IRAK3: variants seen among roughly 807,000 people sequenced by gnomAD.
IRAK3 encodes interleukin-1 receptor-associated kinase 3.
IRAK3 carries 57 observed loss-of-function variants against 56.6 expected under a neutral mutation model. That is an observed-to-expected ratio of 1.01 (90% CI 0.81 to 1.26). IRAK3 has a LOEUF of 1.26. Among genes scored for constraint, IRAK3 ranks in the 50% most tolerant of loss-of-function variants. The pLI is 0.00. For missense variants in IRAK3, 703 were observed against 719.0 expected, an observed-to-expected ratio of 0.98 and a Z score of 0.25; for synonymous variants, 258 against 255.7, an observed-to-expected ratio of 1.01 and a Z score of -0.09.
Position 66,198,208 on chromosome 12 carries a change from G to A in IRAK3, c.134-5503G>A, listed in dbSNP as rs773297607. On this transcript the variant is annotated intron_variant, in intron 1 of 11. Transcript: ENST00000261233. The stretch of plus-strand genomic sequence containing the variant: ...CCCATTGCTTTCAGAATGAAGTTAA[G>A]TTCATATGCTAACACTCAGGGCCTC... 1.2e-4 allele frequency: 70 copies of A among 585,954 alleles called. No individual in the cohort carries two copies. In the Admixed American group the frequency reaches 2.3e-3, roughly 20 times the overall value. 36.3% of individuals were successfully genotyped at this position (585,954 alleles called of 1,614,324 possible).
chr12:66,224,526 TA>T (rs1368850366), intron 6 of IRAK3, among the ~76,000 whole-genome samples: 1 of 152,182 alleles, frequency 6.6e-6, no homozygotes, highest in Non-Finnish European at 1.5e-5. Context: ...TTCTTTAGTT[TA>T]ATATTAAGGA....
intron 1 of IRAK3, among the ~76,000 whole-genome samples, chr12:66,191,406 G>A (rs934263187): frequency 2.0e-5 from 3 of 152,172 alleles, no homozygotes; most frequent in Admixed American, 6.5e-5. Flanking sequence ...TACTGTAGAC[G>A]GTAGGTTGGT....
intron 11 of IRAK3, among the ~76,000 whole-genome samples, chr12:66,246,670 G>C (rs1328569489): frequency 3.3e-5 from 5 of 152,200 alleles, no homozygotes; most frequent in African/African-American, 9.7e-5. Flanking sequence ...TGAGCCTCAG[G>C]CTTTATCATC....
intron 6 of IRAK3, among the ~76,000 whole-genome samples, chr12:66,218,880 G>A (rs1592588772): frequency 6.6e-6 from 1 of 152,030 alleles, no homozygotes; most frequent in African/African-American, 2.4e-5. Flanking sequence ...GCTTCTCTAC[G>A]TTTGACTTTT....
In IRAK3 at chr12:66,244,653, C is replaced by G. The variant is rs762288493; in HGVS notation, c.1055C>G (p.Ser352Cys). 6.2e-7 allele frequency: 1 copy of G among 1,613,880 alleles called. No homozygotes were observed. The highest frequency in any genetic ancestry group is 8.5e-7 in the Non-Finnish European group (1 of 1,179,862). Residue 352 changes from serine to cysteine, a missense_variant, in exon 9 of 12, where the codon TCC becomes TGC. Physicochemically the swap from Ser to Cys is moderately radical, Grantham distance 112. Coordinates refer to ENST00000261233, the MANE Select transcript of IRAK3 (RefSeq NM_007199.3). The part of the protein sequence containing the change: ...PEEYIRQGKL[S>C]IKTDVYSFGI... Reference sequence around the variant, plus strand: ...GAGTACATCAGACAGGGGAAACTTTCCATTAAAACAGATGTCTACAGCTTT... The same window carrying G: ...GAGTACATCAGACAGGGGAAACTTTGCATTAAAACAGATGTCTACAGCTTT...
chr12:66,197,462 T>G (rs2052465752), intron 1 of IRAK3: 1 of 984,506 alleles, frequency 1.0e-6, no homozygotes. Context: ...AAGTATACAT[T>G]TTATGGATGC....
chr12:66,199,644 T>A (rs1044927249), intron 1 of IRAK3, among the ~76,000 whole-genome samples: 1 of 152,184 alleles, frequency 6.6e-6, no homozygotes, highest in African/African-American at 2.4e-5. Context: ...CCTGTCTTCA[T>A]GCTCAAACCA....
At chr12:66,227,079 T>TA (rs2052794798) in intron 7 of IRAK3, among the ~76,000 whole-genome samples, 1 of 152,234 alleles carries the variant, frequency 6.6e-6, no homozygotes, top group Non-Finnish European at 1.5e-5. Flanking sequence ...TTACTCATTA[T>TA]ATGGTAAGAA....
At chr12:66,215,154 G>A (rs1193901854) in intron 5 of IRAK3, among the ~76,000 whole-genome samples, 2 of 152,072 alleles carry the variant, frequency 1.3e-5, no homozygotes, top group Non-Finnish European at 2.9e-5. Context: ...TCTAGAGGTG[G>A]CCAAGCTAAA....
Position 66,244,749 on chromosome 12 carries a change from T to C in IRAK3, c.1086+65T>C, listed in dbSNP as rs144483618. ...CCAAGAATGTTCTAGATTCTAAGAA[T>C]TTTTTAAAGAGTTTTAACTTTTGAC... On this transcript the variant is annotated intron_variant, in intron 9 of 11. Coordinates refer to ENST00000261233, the MANE Select transcript of IRAK3 (RefSeq NM_007199.3). 37 of 1,441,702 alleles carry C rather than the reference T, an allele frequency of 2.6e-5. No homozygotes were observed. The African/African-American group carries it at 4.6e-4, about 18-fold the overall frequency. The allele number at this position is 1,441,702 out of a possible 1,614,324, so 89.3% of individuals were successfully genotyped here. A position where few individuals can be genotyped will look rare whatever the true frequency, so the allele number is the denominator to read the frequency against.
intron 5 of IRAK3, among the ~76,000 whole-genome samples, chr12:66,216,579 G>T (rs553787431): frequency 6.6e-6 from 1 of 152,300 alleles, no homozygotes; most frequent in South Asian, 2.1e-4. Flanking sequence ...AAGGCATCAA[G>T]AACAGTGCTA....
chr12:66,203,599 AG>A, intron 1 of IRAK3, 111 bp from the exon 2 acceptor site: 3 of 969,540 alleles, frequency 3.1e-6, no homozygotes, highest in Non-Finnish European at 4.7e-6. Context: ...GTTATAAATA[AG>A]AGGAAAGTTA....
chr12:66,227,053 T>C (rs1393563806), intron 7 of IRAK3, among the ~76,000 whole-genome samples: 1 of 152,176 alleles, frequency 6.6e-6, no homozygotes, highest in African/African-American at 2.4e-5. Flanking sequence ...AACATTTTGG[T>C]AACCATGTTG....
rs906727972 is a variant in IRAK3, at chr12:66,214,984, G to A, written c.589-2187G>A. ...TTCCGAGTTTGCAGCTTGCATTACC[G>A]TACCGTTTTAAAAATTATTTACCTA... On this transcript the variant is annotated intron_variant, in intron 5 of 11. Coordinates refer to ENST00000261233, the MANE Select transcript of IRAK3 (RefSeq NM_007199.3). Among the ~76,000 whole-genome samples the A allele has an allele frequency of 6.4e-4, 98 of 152,236 alleles. 2 individuals are homozygous for A. Among genetic ancestry groups the A allele is most frequent in the Middle Eastern group, 3.4e-3 (1 of 294 alleles).
At chr12:66,192,007 C>A (rs909012399) in intron 1 of IRAK3, among the ~76,000 whole-genome samples, 1 of 152,186 alleles carries the variant, frequency 6.6e-6, no homozygotes, top group Non-Finnish European at 1.5e-5. Context: ...TTCACAAACA[C>A]AAATCACCTA....
intron 6 of IRAK3, among the ~76,000 whole-genome samples, chr12:66,225,379 G>C (rs2052775085): frequency 6.6e-6 from 1 of 151,616 alleles, no homozygotes; most frequent in Non-Finnish European, 1.5e-5. Context: ...TTGTGTGTGT[G>C]TGTATGTATA....
intron 1 of IRAK3, chr12:66,196,787 AT>A (rs1474856908): frequency 7.8e-7 from 1 of 1,285,106 alleles, no homozygotes; most frequent in Non-Finnish European, 1.0e-6. Flanking sequence ...GGAATTAAAA[AT>A]GTCTTTAACC....
chr12:66,253,085 G>GAAC lies in IRAK3; in HGVS notation c.*4914_*4915insAAC, dbSNP rs2053116539. On this transcript the variant is annotated 3_prime_UTR_variant, in exon 12 of 12. Coordinates refer to ENST00000261233, the MANE Select transcript of IRAK3 (RefSeq NM_007199.3). ...CCTAATGGCTGGCACAGTACCTGGT[G>GAAC]CATAATATGGTTCAACAAATATTTG... The GAAC allele has an allele frequency of 1.3e-5, 2 of 152,158 alleles. No homozygotes were observed. The highest frequency in any genetic ancestry group is 3.9e-4 in the East Asian group (2 of 5,194). The allele number at this position is 152,158 out of a possible 1,614,324, so 9.4% of individuals were successfully genotyped here. A position where few individuals can be genotyped will look rare whatever the true frequency, so the allele number is the denominator to read the frequency against.
intron 8 of IRAK3, chr12:66,234,744 C>T: frequency 1.3e-6 from 2 of 1,595,768 alleles, no homozygotes; most frequent in Non-Finnish European, 1.7e-6. Context: ...CTAGCAAAGC[C>T]AACACCACGA....
Sources: gnomAD v4.1 joint callset for allele counts (sites outside exome capture counted in the v4.1 genomes callset) on GRCh38, gnomAD v4.1.1 for gene constraint, MANE v1.5 for transcripts, NCBI Gene and HGNC (gene_info 2026-07-23, HGNC 2026-07-21) for gene names.